The following EML5 variants were observed in gnomAD, a reference collection of about 807,000 sequenced individuals.
EML5 encodes the protein echinoderm microtubule-associated protein-like 5.
Under a neutral mutation model 250.0 loss-of-function variants are expected in EML5, and 120 were observed. That is an observed-to-expected ratio of 0.48 (90% CI 0.41 to 0.56). EML5 has a LOEUF of 0.56. EML5 is among the 20% of genes least tolerant of loss of function. The pLI is 0.00. For synonymous variants in EML5, 771 were observed against 806.5 expected, an observed-to-expected ratio of 0.96 and a Z score of 0.75; for missense variants, 2,006 against 2,437.6, an observed-to-expected ratio of 0.82 and a Z score of 3.73.
intron 10 of EML5, among the ~76,000 whole-genome samples, chr14:88,707,367 A>G (rs1311854785): frequency 2.0e-5 from 3 of 151,912 alleles, no homozygotes; most frequent in Non-Finnish European, 2.9e-5. Flanking sequence ...GGCTCAAGCA[A>G]TCCTCCTGCC....
chr14:88,778,779 A>G (rs2094470567), intron 1 of EML5, among the ~76,000 whole-genome samples: 1 of 148,120 alleles, frequency 6.8e-6, no homozygotes, highest in Admixed American at 6.7e-5. Context: ...CTCCATCTCA[A>G]AAACAAAACA....
chr14:88,682,866 G>A (rs12589481), intron 20 of EML5, among the ~76,000 whole-genome samples: 26,164 of 152,128 alleles, frequency 0.17, 2,807 homozygotes, highest in East Asian at 0.47. Context: ...CCCTTACCAA[G>A]TACTCAGGGC....
intron 1 of EML5, among the ~76,000 whole-genome samples, chr14:88,773,057 A>G (rs982546173): frequency 1.3e-5 from 2 of 152,230 alleles, no homozygotes; most frequent in African/African-American, 4.8e-5. Flanking sequence ...CTTCGGAGGT[A>G]TCTGCATGCC....
intron 8 of EML5, among the ~76,000 whole-genome samples, chr14:88,718,237 C>G (rs2093533440): frequency 6.6e-6 from 1 of 152,164 alleles, no homozygotes; most frequent in Non-Finnish European, 1.5e-5. Context: ...AAATAAGTAA[C>G]TGGATATGCA....
chr14:88,699,289 A>C (rs545711225), intron 14 of EML5, among the ~76,000 whole-genome samples: 76 of 152,276 alleles, frequency 5.0e-4, no homozygotes, highest in Non-Finnish European at 6.3e-4. Context: ...TCTATCTCAG[A>C]AGGCAAAAAA....
At chr14:88,667,655 C>A (rs2092342871) in intron 21 of EML5, among the ~76,000 whole-genome samples, 1 of 152,124 alleles carries the variant, frequency 6.6e-6, no homozygotes, top group South Asian at 2.1e-4. Context: ...GCTGGAGAGA[C>A]ACTACAAGGC....
chr14:88,705,782 CA>C, intron 11 of EML5, 194 bp from the exon 12 acceptor site: 1 of 665,788 alleles, frequency 1.5e-6, no homozygotes, highest in Non-Finnish European at 2.7e-6. Context: ...CCACTCACTG[CA>C]AACTCAATAG....
chr14:88,662,559 T>A (rs1199242595), intron 24 of EML5, among the ~76,000 whole-genome samples: 5 of 129,634 alleles, frequency 3.9e-5, no homozygotes, highest in South Asian at 5.5e-4. Context: ...TTTTTTTTTT[T>A]TAATACAGGG....
chr14:88,628,747 TTTAGA>T (rs2090219362), intron 33 of EML5, among the ~76,000 whole-genome samples: 1 of 152,056 alleles, frequency 6.6e-6, no homozygotes, highest in Non-Finnish European at 1.5e-5. Context: ...TTCTGATAAG[TTTAGA>T]TTATATTTTA....
chr14:88,690,524 G>A (rs953916661), intron 17 of EML5, among the ~76,000 whole-genome samples: 2 of 152,138 alleles, frequency 1.3e-5, no homozygotes, highest in African/African-American at 4.8e-5. Context: ...AGAGCAGCTG[G>A]GTGGAGTGGT....
intron 27 of EML5, among the ~76,000 whole-genome samples, chr14:88,651,700 G>A (rs1378071060): frequency 6.6e-6 from 1 of 151,458 alleles, no homozygotes; most frequent in Non-Finnish European, 1.5e-5. Flanking sequence ...ATTCTAATTA[G>A]AATATTTAAA....
At chr14:88,677,824 A>G (rs2092629901) in intron 21 of EML5, among the ~76,000 whole-genome samples, 1 of 152,240 alleles carries the variant, frequency 6.6e-6, no homozygotes, top group Non-Finnish European at 1.5e-5. Flanking sequence ...GTGGAGAAAT[A>G]GGAACACTTT....
intron 37 of EML5, chr14:88,622,101 T>C (rs983643590): frequency 2.4e-5 from 6 of 249,832 alleles, no homozygotes; most frequent in African/African-American, 1.3e-4. Context: ...ACTTTTTTAG[T>C]TTCTGCACAG....
chr14:88,745,171 G>GTT lies in EML5; in HGVS notation c.456+1013_456+1014insAA, dbSNP rs1566740275. ...ATAATGGTCTAAATTGTGTGTTTGT[G>GTT]TGTGTGTGTGTGTGTGTGTGTGTGT... On this transcript the variant is annotated intron_variant, in intron 3 of 43. Transcript: ENST00000554922. Among the ~76,000 whole-genome samples the GTT allele has an allele frequency of 1.7e-3, 113 of 66,424 alleles. No homozygotes were observed. The East Asian group carries it at 0.05, about 29-fold the overall frequency. 43.6% of individuals were successfully genotyped at this position (66,424 alleles called of 152,430 possible). A position where few individuals can be genotyped will look rare whatever the true frequency, so the allele number is the denominator to read the frequency against.
At chr14:88,634,375 G>A in intron 33 of EML5, 94 bp downstream of exon 33, 1 of 790,054 alleles carries the variant, frequency 1.3e-6, no homozygotes, top group Non-Finnish European at 1.9e-6. Context: ...TAATAGTAAT[G>A]CAAGAACGGA....
Position 88,738,920 on chromosome 14 carries a change from A to ACTG in EML5, c.805_806insCAG (p.Ile269delinsThrVal). The ACTG allele has an allele frequency of 6.3e-7, 1 of 1,591,474 alleles. No homozygotes were observed. The highest frequency in any genetic ancestry group is 8.6e-7 in the Non-Finnish European group (1 of 1,168,074). The stretch of plus-strand genomic sequence containing the variant: ...TGTTTCCCTGAGATCAATCACAGTA[A>ACTG]TTGGTTTAAAAGTTAAATCCCAAAG... On this transcript the variant is annotated protein_altering_variant, in exon 6 of 44. Transcript: ENST00000554922.
intron 8 of EML5, among the ~76,000 whole-genome samples, chr14:88,720,711 G>A (rs150413072): frequency 7.6e-4 from 115 of 152,180 alleles, no homozygotes; most frequent in African/African-American, 2.7e-3. Context: ...CTTGAAAACT[G>A]GCACAAGACA....
chr14:88,651,362 C>T (rs2091618826), intron 27 of EML5, among the ~76,000 whole-genome samples: 1 of 151,756 alleles, frequency 6.6e-6, no homozygotes, highest in African/African-American at 2.4e-5. Context: ...AAGCTAACAT[C>T]AAAGATTTCA....
rs944761156 is a variant in EML5 at position 88,781,226 on chromosome 14, A to C, written c.197+11081T>G. ...AAAGTGATAAATCCTTTTGTCTCTG[A>C]CCCAGAAGCTGGTGTGTTCTGTCAG... On this transcript the variant is annotated intron_variant, in intron 1 of 43. Coordinates refer to ENST00000554922, the MANE Select transcript of EML5 (RefSeq NM_183387.3). Among the ~76,000 whole-genome samples, 10 of 152,278 alleles carry C rather than the reference A, an allele frequency of 6.6e-5. No individual in the cohort carries two copies. In the East Asian group the frequency reaches 9.7e-4, roughly 15 times the overall value.
Sources: allele counts gnomAD v4.1 joint callset (sites outside exome capture counted in the v4.1 genomes callset), GRCh38; gene constraint gnomAD v4.1.1; transcripts MANE v1.5; gene names NCBI Gene and HGNC (gene_info 2026-07-23, HGNC 2026-07-21).